GSG1L: variants seen among roughly 807,000 people sequenced by gnomAD.
GSG1L encodes the protein GSG1 like.
In GSG1L, 24 loss-of-function variants were observed where a neutral mutation model predicts 42.1. The observed-to-expected ratio is 0.57, with a 90% CI of 0.41 to 0.80. The LOEUF is 0.80. Among genes scored for constraint, GSG1L ranks in the 30% least tolerant of loss-of-function variants. GSG1L has a pLI of 0.00. For missense variants in GSG1L, 445 were observed against 472.2 expected (o/e 0.94, Z 0.53); for synonymous variants, 215 against 203.5 (o/e 1.06, Z -0.48).
intron 2 of GSG1L, among the ~76,000 whole-genome samples, chr16:27,944,597 G>C (rs967752341): frequency 6.7e-6 from 1 of 150,240 alleles, no homozygotes; most frequent in East Asian, 1.9e-4. Context: ...ACTCCAGCCT[G>C]GGTGACAGAG....
At chr16:27,859,194 C>G (rs1425610127) in intron 3 of GSG1L, among the ~76,000 whole-genome samples, 1 of 152,120 alleles carries the variant, frequency 6.6e-6, no homozygotes, top group East Asian at 1.9e-4. Context: ...TCTGCAGGCT[C>G]TTGGTCTTCT....
intron 2 of GSG1L, among the ~76,000 whole-genome samples, chr16:27,911,942 G>A (rs1338920038): frequency 6.6e-6 from 1 of 152,164 alleles, no homozygotes; most frequent in Non-Finnish European, 1.5e-5. Context: ...AGGGGTTTTT[G>A]TCTCCTATAT....
chr16:27,999,312 G>A (rs1393635574), intron 1 of GSG1L, among the ~76,000 whole-genome samples: 1 of 152,066 alleles, frequency 6.6e-6, no homozygotes, highest in Non-Finnish European at 1.5e-5. Context: ...GTGTGGTGGT[G>A]CATGCCTGTA....
intron 1 of GSG1L, among the ~76,000 whole-genome samples, chr16:28,008,134 C>T (rs1354621726): frequency 6.6e-6 from 1 of 152,106 alleles, no homozygotes; most frequent in Admixed American, 6.5e-5. Flanking sequence ...GGCTGGAGTG[C>T]AGTGGCATGA....
intron 1 of GSG1L, among the ~76,000 whole-genome samples, chr16:28,018,202 T>G (rs2085801683): frequency 6.6e-6 from 1 of 152,182 alleles, no homozygotes; most frequent in Non-Finnish European, 1.5e-5. Flanking sequence ...AATGCAACTT[T>G]TGGCTGTAAT....
At chr16:27,821,469 T>C (rs2083150045) in intron 5 of GSG1L, among the ~76,000 whole-genome samples, 1 of 152,116 alleles carries the variant, frequency 6.6e-6, no homozygotes, top group Non-Finnish European at 1.5e-5. Context: ...ATGTCTGTTG[T>C]TCCCGTCTTT....
intron 1 of GSG1L, among the ~76,000 whole-genome samples, chr16:27,965,698 C>T (rs4788018): frequency 9.2e-5 from 14 of 152,180 alleles, no homozygotes; most frequent in South Asian, 2.1e-4. Context: ...CTTCCCAATG[C>T]GTCTAGCATC....
At chr16:27,917,133 G>A (rs2084466857) in intron 2 of GSG1L, among the ~76,000 whole-genome samples, 1 of 152,170 alleles carries the variant, frequency 6.6e-6, no homozygotes, top group Non-Finnish European at 1.5e-5. Context: ...GAAGCCGGTG[G>A]CCCAATATAA....
At chr16:27,879,390 A>T (rs1430917087) in intron 3 of GSG1L, among the ~76,000 whole-genome samples, 1 of 152,160 alleles carries the variant, frequency 6.6e-6, no homozygotes, top group Non-Finnish European at 1.5e-5. Flanking sequence ...GGATTGCTGG[A>T]GGACAGGTGT....
In GSG1L at chr16:27,842,507, G is replaced by A. The variant is rs189686374; in HGVS notation, c.662+2443C>T. On this transcript the variant is annotated intron_variant, in intron 4 of 6. Coordinates refer to ENST00000447459, the MANE Select transcript of GSG1L (RefSeq NM_001109763.2). ...AAATCTAAGATATTATTACACACAT[G>A]GTCAACACAAATATTAGTTCCCTTC... is the stretch of plus-strand genomic sequence containing the variant. 2.0e-5 allele frequency among the ~76,000 whole-genome samples: 3 copies of A among 152,230 alleles called. No individual in the cohort carries two copies. The East Asian group carries it at 5.8e-4, about 29-fold the overall frequency.
At chr16:28,013,821 T>C (rs986516185) in intron 1 of GSG1L, among the ~76,000 whole-genome samples, 1 of 152,260 alleles carries the variant, frequency 6.6e-6, no homozygotes, top group Non-Finnish European at 1.5e-5. Flanking sequence ...ACAGGAGGCA[T>C]GGCCATGCAA....
intron 3 of GSG1L, among the ~76,000 whole-genome samples, chr16:27,848,519 C>T (rs1323196521): frequency 6.6e-6 from 1 of 152,176 alleles, no homozygotes; most frequent in Non-Finnish European, 1.5e-5. Flanking sequence ...AAAGGCTTTT[C>T]ACATGCCAGA....
intron 4 of GSG1L, 102 bp downstream of exon 4, chr16:27,844,848 T>TG: frequency 2.2e-5 from 3 of 135,614 alleles, no homozygotes; most frequent in East Asian, 1.7e-4. Flanking sequence ...CCATTTCTCC[T>TG]CCCCCCCACC....
intron 6 of GSG1L, among the ~76,000 whole-genome samples, chr16:27,792,470 C>T (rs1311707410): frequency 6.6e-6 from 1 of 152,188 alleles, no homozygotes; most frequent in Non-Finnish European, 1.5e-5. Context: ...CCTTGTCACC[C>T]CTCAAGTGTC....
In GSG1L at chr16:27,828,791, C is replaced by T. The variant is rs752508560; in HGVS notation, c.828G>A (p.Glu276=). 4.3e-6 allele frequency: 7 copies of T among 1,613,728 alleles called. No homozygotes were observed. Among genetic ancestry groups the T allele is most frequent in the Non-Finnish European group, 5.9e-6 (7 of 1,179,798 alleles). The change falls in exon 5 of 7, where the codon GAG becomes GAA. Residue 276 remains glutamate (E), a splice_region_variant and synonymous_variant. Coordinates refer to ENST00000447459, the MANE Select transcript of GSG1L (RefSeq NM_001109763.2). The part of the protein sequence containing the change: ...IDPEAIKYFR[E]RMEKRDGSEE... ...GAGGTAACCCCCTGTGCACTGACCT[C>T]TCCCGGAAGTACTTGATGGCCTCAG... is the stretch of plus-strand genomic sequence containing the variant.
chr16:27,980,758 T>C (rs1166581000), intron 1 of GSG1L, among the ~76,000 whole-genome samples: 1 of 151,976 alleles, frequency 6.6e-6, no homozygotes, highest in Non-Finnish European at 1.5e-5. Context: ...GGCACATGCC[T>C]GTAATTCCAG....
intron 2 of GSG1L, among the ~76,000 whole-genome samples, chr16:27,947,574 A>AAAGAAAGAAAGAAAG (rs2084896351): frequency 1.1e-5 from 1 of 90,170 alleles, no homozygotes; most frequent in Non-Finnish European, 2.6e-5. Flanking sequence ...AGAAAGAAAG[A>AAAGAAAGAAAGAAAG]AAGAAAGAAA....
intron 3 of GSG1L, among the ~76,000 whole-genome samples, chr16:27,866,714 G>T (rs2083730730): frequency 6.6e-6 from 1 of 152,146 alleles, no homozygotes; most frequent in Non-Finnish European, 1.5e-5. Flanking sequence ...TGGGACTACA[G>T]ACTTGCACCA....
intron 1 of GSG1L, among the ~76,000 whole-genome samples, chr16:28,052,893 C>T (rs900038878): frequency 9.9e-5 from 15 of 152,236 alleles, no homozygotes; most frequent in African/African-American, 2.7e-4. Flanking sequence ...TCTGCCTCTC[C>T]GCCCCGCCCA....
Sources: gnomAD v4.1 joint callset for allele counts (sites outside exome capture counted in the v4.1 genomes callset) on GRCh38, gnomAD v4.1.1 for gene constraint, MANE v1.5 for transcripts, NCBI Gene and HGNC (gene_info 2026-07-23, HGNC 2026-07-21) for gene names.